The following SKIL variants were observed in gnomAD, a reference collection of about 807,000 sequenced individuals.
SKIL encodes SKI like proto-oncogene.
In SKIL, 20 loss-of-function variants were observed where a neutral mutation model predicts 69.6. The ratio of observed to expected loss-of-function variants is 0.29; its 90% CI spans 0.20 to 0.42. SKIL has a LOEUF of 0.42. Among genes scored for constraint, SKIL ranks in the 10% least tolerant of loss-of-function variants. SKIL has a pLI of 1.00. For missense variants in SKIL, 745 were observed against 783.1 expected, an observed-to-expected ratio of 0.95 and a Z score of 0.58; for synonymous variants, 310 against 279.9, an observed-to-expected ratio of 1.11 and a Z score of -1.08.
rs150208731 is a variant in SKIL, at chr3:170,366,530, G to C, written c.1098+5101G>C. ...CGCCATCTCTACTGAAAATACAAAAGTTAGCAGGGGATGGTGACACACGCC... is the reference window on the plus strand; with the variant it reads ...CGCCATCTCTACTGAAAATACAAAACTTAGCAGGGGATGGTGACACACGCC... On this transcript the variant is annotated intron_variant, in intron 2 of 6. Coordinates refer to ENST00000259119, the MANE Select transcript of SKIL (RefSeq NM_005414.5). Among the ~76,000 whole-genome samples, 1,227 of 152,068 alleles carry C rather than the reference G, an allele frequency of 8.1e-3. 20 individuals carry two copies. The highest frequency in any genetic ancestry group is 7.7e-3 in the Non-Finnish European group (521 of 67,968).
chr3:170,377,635 G>A (rs1737100968), intron 2 of SKIL, among the ~76,000 whole-genome samples: 1 of 122,360 alleles, frequency 8.2e-6, no homozygotes, highest in East Asian at 2.8e-4. Flanking sequence ...TGCAACCTCC[G>A]CCCTCTGAGT....
intron 2 of SKIL, among the ~76,000 whole-genome samples, chr3:170,370,327 T>C (rs1357946096): frequency 2.0e-5 from 3 of 151,696 alleles, no homozygotes; most frequent in Non-Finnish European, 2.9e-5. Context: ...GATATAAAAT[T>C]AGTTTGAGTC....
chr3:170,373,236 G>A (rs1446589435), intron 2 of SKIL, among the ~76,000 whole-genome samples: 3 of 151,094 alleles, frequency 2.0e-5, no homozygotes, highest in Non-Finnish European at 4.4e-5. Flanking sequence ...GTGTGATCTC[G>A]GCTCACTACA....
intron 3 of SKIL, among the ~76,000 whole-genome samples, chr3:170,381,820 G>GCCTGTA (rs1434926673): frequency 6.6e-6 from 1 of 151,282 alleles, no homozygotes; most frequent in Non-Finnish European, 1.5e-5. Context: ...GGTGGCTCAT[G>GCCTGTA]CCTGTAATCC....
intron 3 of SKIL, among the ~76,000 whole-genome samples, chr3:170,383,625 A>G (rs1437954305): frequency 6.6e-6 from 1 of 152,202 alleles, no homozygotes; most frequent in Non-Finnish European, 1.5e-5. Flanking sequence ...TTGCCATTTT[A>G]TCAAATGAGT....
chr3:170,388,501 T>C (rs562150324), intron 4 of SKIL, among the ~76,000 whole-genome samples: 2 of 152,272 alleles, frequency 1.3e-5, no homozygotes, highest in South Asian at 4.1e-4. Flanking sequence ...CACCCCAGCT[T>C]GGCTCACTGC....
intron 1 of SKIL, among the ~76,000 whole-genome samples, chr3:170,358,092 A>T (rs961301078): frequency 6.6e-6 from 1 of 152,028 alleles, no homozygotes; most frequent in Non-Finnish European, 1.5e-5. Context: ...CCCCTCCCCC[A>T]GTCCAGCAGC....
rs1014941770 is a variant in SKIL at position 170,379,643 on chromosome 3, T to G, written c.1099-1601T>G. 1.7e-4 allele frequency among the ~76,000 whole-genome samples: 26 copies of G among 152,122 alleles called. 1 individual carries two copies. Among genetic ancestry groups the G allele is most frequent in the African/African-American group, 6.3e-4 (26 of 41,418 alleles). On this transcript the variant is annotated intron_variant, in intron 2 of 6. Transcript: ENST00000259119. The stretch of plus-strand genomic sequence containing the variant: ...TCTTTTTTTCTCTTCAATTTCTTTT[T>G]TTGTTTTGTTTTGTTTTTTGAGACG...
At chr3:170,381,853 G>A (rs1322568268) in intron 3 of SKIL, among the ~76,000 whole-genome samples, 2 of 152,030 alleles carry the variant, frequency 1.3e-5, no homozygotes, top group Non-Finnish European at 2.9e-5. Flanking sequence ...AGGCCGAGGT[G>A]GGTGGATCAT....
intron 4 of SKIL, among the ~76,000 whole-genome samples, chr3:170,387,826 T>G (rs1206993786): frequency 8.0e-6 from 1 of 125,610 alleles, no homozygotes; most frequent in Non-Finnish European, 1.6e-5. Context: ...CCCAGCTACT[T>G]GGGAGGCTGA....
intron 5 of SKIL, 125 bp downstream of exon 5, chr3:170,390,589 C>T: frequency 1.4e-6 from 1 of 720,616 alleles, no homozygotes; most frequent in Non-Finnish European, 2.3e-6. Flanking sequence ...CAGGTTCAAG[C>T]AATTCTTCTG....
At chr3:170,366,696 G>GACACACAGAC (rs57637265) in intron 2 of SKIL, among the ~76,000 whole-genome samples, 7,186 of 147,536 alleles carry the variant, frequency 0.049, 186 homozygotes, top group Non-Finnish European at 0.058. Context: ...CACACACACA[G>GACACACAGAC]ACACACACAC....
At chr3:170,379,247 G>A (rs1737203170) in intron 2 of SKIL, among the ~76,000 whole-genome samples, 2 of 152,070 alleles carry the variant, frequency 1.3e-5, no homozygotes, top group Admixed American at 1.3e-4. Context: ...CAAAATGCTA[G>A]GATTACAGGC....
At position 170,394,114 on chromosome 3, in the gene SKIL, A is replaced by ATTTTTTTTTT. The variant is rs1560224797; in HGVS notation, c.*1697_*1698insTTTTTTTTTT. On this transcript the variant is annotated 3_prime_UTR_variant, in exon 7 of 7. Transcript: ENST00000259119. ...AATATTAAAATGACATGTAGAAACAAATTTTTTTTTTTTTTTTTTTTTTTT... is the reference window on the plus strand; with the variant it reads ...AATATTAAAATGACATGTAGAAACAATTTTTTTTTTATTTTTTTTTTTTTTTTTTTTTTTT... 11 of 131,666 alleles carry ATTTTTTTTTT rather than the reference A, an allele frequency of 8.4e-5. 1 individual carries two copies. The highest frequency in any genetic ancestry group is 3.4e-4 in the African/African-American group (11 of 32,372). 8.2% of individuals were successfully genotyped at this position (131,666 alleles called of 1,614,324 possible).
intron 3 of SKIL, among the ~76,000 whole-genome samples, chr3:170,382,038 C>T (rs967017234): frequency 1.3e-4 from 19 of 151,360 alleles, no homozygotes; most frequent in Non-Finnish European, 2.4e-4. Flanking sequence ...GCCGAGATCG[C>T]GTCATTGCAC....
intron 2 of SKIL, among the ~76,000 whole-genome samples, chr3:170,370,837 T>C (rs1736770855): frequency 1.3e-5 from 2 of 151,978 alleles, no homozygotes; most frequent in Non-Finnish European, 2.9e-5. Flanking sequence ...CCCAACTACT[T>C]GTGGGGCTGA....
intron 2 of SKIL, among the ~76,000 whole-genome samples, chr3:170,366,195 AG>A (rs1350386419): frequency 1.3e-5 from 2 of 152,094 alleles, no homozygotes; most frequent in Non-Finnish European, 2.9e-5. Context: ...GATTAAAAAA[AG>A]TCCTGAAACT....
intron 2 of SKIL, among the ~76,000 whole-genome samples, chr3:170,378,012 G>A (rs1270730084): frequency 6.6e-6 from 1 of 152,042 alleles, no homozygotes. Flanking sequence ...TCCTGCCTCA[G>A]CCTCCTGAGT....
intron 2 of SKIL, among the ~76,000 whole-genome samples, chr3:170,363,729 C>T (rs1358593699): frequency 3.9e-5 from 6 of 152,178 alleles, no homozygotes; most frequent in Non-Finnish European, 7.3e-5. Flanking sequence ...GGGTGATCCA[C>T]CCGCCTTGGC....
Sources: allele counts gnomAD v4.1 joint callset (sites outside exome capture counted in the v4.1 genomes callset), GRCh38; gene constraint gnomAD v4.1.1; transcripts MANE v1.5; gene names NCBI Gene and HGNC (gene_info 2026-07-23, HGNC 2026-07-21).